FBN1: variants seen among roughly 807,000 people sequenced by gnomAD.
FBN1 encodes the protein fibrillin 1.
FBN1 carries 29 observed loss-of-function variants against 365.1 expected under a neutral mutation model. The ratio of observed to expected loss-of-function variants is 0.08; its 90% confidence interval spans 0.06 to 0.11. The LOEUF (loss-of-function observed/expected upper bound fraction) is 0.11, where lower values mean the gene tolerates loss of function less well. Ranked by LOEUF, FBN1 falls within the 10% of genes least tolerant of loss-of-function variation. The pLI, the probability that FBN1 is intolerant of heterozygous loss-of-function variation, is 1.00. For missense variants in FBN1, 2,476 were observed against 3,703.2 expected (o/e 0.67, Z 8.60); for synonymous variants, 1,210 against 1,270.5 (o/e 0.95, Z 1.01).
chr15:48,433,656 G>A (rs1027841764), intron 54 of FBN1, among the ~76,000 whole-genome samples: 4 of 152,174 alleles, frequency 2.6e-5, no homozygotes, highest in Admixed American at 6.6e-5. Flanking sequence ...AATGTGTTTT[G>A]GAAAAGCAGG....
chr15:48,629,648 A>G (rs925881590), intron 2 of FBN1, among the ~76,000 whole-genome samples: 1 of 152,246 alleles, frequency 6.6e-6, no homozygotes, highest in African/African-American at 2.4e-5. Context: ...CTTCAAAATA[A>G]ATGCAATGAG....
At position 48,610,843 on chromosome 15, in the gene FBN1, G is replaced by T; in HGVS notation, c.248-17C>A. 1.2e-6 allele frequency: 2 copies of T among 1,604,768 alleles called. No homozygotes were observed. The highest frequency in any genetic ancestry group is 1.7e-6 in the Non-Finnish European group (2 of 1,171,798). On this transcript the variant is annotated splice_polypyrimidine_tract_variant and intron_variant, in intron 3 of 65. Coordinates refer to ENST00000316623, the MANE Select transcript of FBN1 (RefSeq NM_000138.5). ...GGCAAATGGCTGTGAATAAACCAGA[G>T]GTCTGTTAGCACATGGATTTGGAAC...
intron 4 of FBN1, 22 bp downstream of exon 4, chr15:48,610,706 T>C (rs751910826): frequency 6.5e-7 from 1 of 1,544,614 alleles, no homozygotes; most frequent in Non-Finnish European, 8.9e-7. Flanking sequence ...TAATATTATA[T>C]ATAATGACAT....
At chr15:48,624,464 A>G (rs904892182) in intron 2 of FBN1, among the ~76,000 whole-genome samples, 3 of 152,222 alleles carry the variant, frequency 2.0e-5, no homozygotes, top group African/African-American at 7.2e-5. Flanking sequence ...GTTGGGTAAA[A>G]GTTGCTCCCA....
chr15:48,475,631 T>G (rs923052938), intron 32 of FBN1, among the ~76,000 whole-genome samples: 1 of 152,204 alleles, frequency 6.6e-6, no homozygotes, highest in Non-Finnish European at 1.5e-5. Flanking sequence ...AAGAACAATT[T>G]TGCCATACAA....
intron 6 of FBN1, among the ~76,000 whole-genome samples, chr15:48,573,160 T>G (rs1566929785): frequency 6.6e-6 from 1 of 152,216 alleles, no homozygotes; most frequent in Non-Finnish European, 1.5e-5. Flanking sequence ...GAAAGAAATC[T>G]TTCTTTGAGA....
intron 2 of FBN1, chr15:48,642,526 T>C (rs904797458): frequency 6.6e-5 from 10 of 152,222 alleles, no homozygotes; most frequent in African/African-American, 2.4e-4. Context: ...TGTGTATGTA[T>C]ACATATATAT....
At chr15:48,414,937 A>G (rs993702201) in intron 64 of FBN1, among the ~76,000 whole-genome samples, 5 of 151,530 alleles carry the variant, frequency 3.3e-5, no homozygotes, top group Non-Finnish European at 7.4e-5. Flanking sequence ...ACTCTCACAC[A>G]GACACACCTA....
At chr15:48,448,032 CTGTCAGTGCTCT>C (rs1283246031) in intron 46 of FBN1, among the ~76,000 whole-genome samples, 1 of 152,092 alleles carries the variant, frequency 6.6e-6, no homozygotes, top group Non-Finnish European at 1.5e-5. Context: ...ATGAGTAGGG[CTGTCAGTGCTCT>C]TGTCATTACT....
chr15:48,425,257 A>C (rs927743302), intron 60 of FBN1, 112 bp downstream of exon 60: 1 of 1,445,036 alleles, frequency 6.9e-7, no homozygotes, highest in Non-Finnish European at 9.7e-7. Context: ...CCAGGGAAGC[A>C]CCTCCTGCCT....
chr15:48,645,291 A>G (rs1890284184), intron 1 of FBN1, among the ~76,000 whole-genome samples: 1 of 151,996 alleles, frequency 6.6e-6, no homozygotes, highest in Admixed American at 6.5e-5. Context: ...CCCACTCCTC[A>G]GCCTGCCCTC....
chr15:48,460,387 A>C, intron 42 of FBN1, 70 bp from the exon 43 acceptor site: 1 of 953,604 alleles, frequency 1.0e-6, no homozygotes, highest in Non-Finnish European at 1.7e-6. Flanking sequence ...GACTGAAAAA[A>C]ATTATTTTGT....
rs1284038548 is a variant in FBN1 at position 48,411,106 on chromosome 15, T to C, written c.8500A>G (p.Thr2834Ala). The change falls in exon 66 of 66, where the codon ACT (threonine) becomes GCT (alanine). Residue 2834 changes from threonine (T) to alanine (A), a missense_variant. This residue lies in a region of FBN1 where 177 missense variants were observed against 192.7 expected (regional missense o/e 0.92). Transcript: ENST00000316623. Reference sequence around the variant, plus strand: ...AGTTCTTTCTTTTTATAAAGTGGAGTACTACTGATTTGTAATGAATAGGTT... The same window carrying C: ...AGTTCTTTCTTTTTATAAAGTGGAGCACTACTGATTTGTAATGAATAGGTT... ...AGTYSLQISS[T>A]PLYKKKELNQ... The C allele has an allele frequency of 1.2e-6, 2 of 1,614,082 alleles. No individual in the cohort carries two copies. Among genetic ancestry groups the C allele is most frequent in the Admixed American group, 1.7e-5 (1 of 60,008 alleles).
intron 5 of FBN1, 86 bp downstream of exon 5, chr15:48,600,053 A>G (rs363851): frequency 3.0e-6 from 3 of 994,504 alleles, no homozygotes; most frequent in Middle Eastern, 4.2e-4. Flanking sequence ...AGGTAATCGA[A>G]GAAAATCCAT....
At chr15:48,485,246 G>C (rs987713632) in intron 30 of FBN1, 128 bp downstream of exon 30, 1 of 1,178,794 alleles carries the variant, frequency 8.5e-7, no homozygotes, top group Admixed American at 1.9e-5. Context: ...TCTTGATTAA[G>C]GATACAGTTA....
Position 48,474,649 on chromosome 15 carries a change from G to A in FBN1, c.3966C>T (p.Asp1322=), listed in dbSNP as rs2141280317. 1.9e-6 allele frequency: 3 copies of A among 1,614,068 alleles called. No homozygotes were observed. The highest frequency in any genetic ancestry group is 2.5e-6 in the Non-Finnish European group (3 of 1,179,990). ...SGKKGKTGCT[D]INECEIGAHN... ...GTGCTCCAATTTCACATTCATTGAT[G>A]TCTGGAAAAATGAGCAGTGATTTAG... Residue 1322 remains aspartate (D), a splice_region_variant and synonymous_variant, in exon 33 of 66, where the codon GAC becomes GAT. Coordinates refer to ENST00000316623, the MANE Select transcript of FBN1 (RefSeq NM_000138.5).
rs147279938 is a variant in FBN1 at position 48,411,140 on chromosome 15, T to G, written c.8466A>C (p.Pro2822=). 1.2e-6 allele frequency: 2 copies of G among 1,614,204 alleles called. No individual in the cohort carries two copies. The highest frequency in any genetic ancestry group is 1.3e-5 in the African/African-American group (1 of 75,068). Residue 2822 remains proline (P), a synonymous_variant, in exon 66 of 66, where the codon CCA becomes CCC. Coordinates refer to ENST00000316623, the MANE Select transcript of FBN1 (RefSeq NM_000138.5). The part of the protein sequence containing the change: ...ISYLHFTKKK[P]VAGTYSLQIS... ...TTTGTAATGAATAGGTTCCAGCCAC[T>G]GGCTTCTTCTTTGTGAAGTGGAGGT...
chr15:48,578,862 G>T (rs1198776389), intron 6 of FBN1, among the ~76,000 whole-genome samples: 3 of 89,812 alleles, frequency 3.3e-5, no homozygotes, highest in Non-Finnish European at 6.8e-5. Context: ...GTTGTGGGGT[G>T]GGGGGAGGGG....
At chr15:48,546,519 G>A (rs998067626) in intron 6 of FBN1, among the ~76,000 whole-genome samples, 1 of 152,172 alleles carries the variant, frequency 6.6e-6, no homozygotes, top group Non-Finnish European at 1.5e-5. Context: ...AAAGAAAGCC[G>A]CTGTGACCAG....
Sources: allele counts gnomAD v4.1 joint callset (sites outside exome capture counted in the v4.1 genomes callset), GRCh38; gene constraint gnomAD v4.1.1; regional missense constraint gnomAD v4.1.1; transcripts MANE v1.5; gene names NCBI Gene and HGNC (gene_info 2026-07-23, HGNC 2026-07-21).